The following LAMC3 variants were observed in gnomAD, a reference collection of about 807,000 sequenced individuals.
The protein encoded by LAMC3 is laminin subunit gamma-3.
A neutral mutation model predicts 173.8 loss-of-function variants in LAMC3; 128 were observed. That is an observed-to-expected ratio of 0.74 (90% CI 0.64 to 0.85). The LOEUF (loss-of-function observed/expected upper bound fraction) is 0.85. LAMC3 is among the 40% of genes least tolerant of loss of function. The pLI, the probability that LAMC3 is intolerant of heterozygous loss-of-function variation, is 0.00. For synonymous variants in LAMC3, 897 were observed against 909.1 expected, an observed-to-expected ratio of 0.99 and a Z score of 0.24; for missense variants, 2,022 against 2,156.0, an observed-to-expected ratio of 0.94 and a Z score of 1.23.
intron 1 of LAMC3, among the ~76,000 whole-genome samples, chr9:131,015,206 G>A (rs1416114732): frequency 6.6e-6 from 1 of 152,360 alleles, no homozygotes; most frequent in Admixed American, 6.5e-5. Context: ...CCCCAGGGTT[G>A]CAAGATTGCA....
chr9:131,069,753 G>T lies in LAMC3; in HGVS notation c.2972G>T (p.Gly991Val). Residue 991 changes from glycine to valine, a missense_variant, in exon 17 of 28, where the codon GGC becomes GTC. By Grantham distance (109) the Gly-to-Val change is moderately radical (BLOSUM62 -3). Transcript: ENST00000361069. The part of the protein sequence containing the change: ...GTCVCRPGFE[G>V]YKCDRCHDNF... ...TGCGTGTGCAGGCCTGGCTTCGAGG[G>T]CTACAAATGTGACCGCTGCCACGAC... is the stretch of plus-strand genomic sequence containing the variant. 5 of 1,598,954 alleles carry T rather than the reference G, an allele frequency of 3.1e-6. No individual in the cohort carries two copies. The highest frequency in any genetic ancestry group is 4.3e-6 in the Non-Finnish European group (5 of 1,173,420).
Position 131,009,581 on chromosome 9 carries a change from C to T in LAMC3, c.367C>T (p.Arg123Cys), listed in dbSNP as rs764374653. 11 of 1,572,202 alleles carry T rather than the reference C, an allele frequency of 7.0e-6. No individual in the cohort carries two copies. The South Asian group carries it at 8.2e-5, about 12-fold the overall frequency. Residue 123 changes from arginine (R) to cysteine (C), a missense_variant, in exon 1 of 28, where the codon CGC becomes TGC. Arg to Cys is a radical substitution (Grantham distance 180). Transcript: ENST00000361069. The surrounding 1 kb of genome is among the most constrained non-coding windows in gnomAD (Gnocchi z 4.3). ...CCCCACCTCGGTCAACATCACCCTC[C>T]GCCTAGGTAAGCGCGGGCTGGGGGC... is the stretch of plus-strand genomic sequence containing the variant. ...QYPTSVNITL[R>C]LGKAYEITYV...
At chr9:131,067,518 T>A (rs1588161410) in intron 14 of LAMC3, among the ~76,000 whole-genome samples, 1 of 151,930 alleles carries the variant, frequency 6.6e-6, no homozygotes, top group Non-Finnish European at 1.5e-5. Context: ...CTGCGCCGGG[T>A]CTCCATGGCC....
chr9:131,066,181 C>T (rs537945080), intron 13 of LAMC3, among the ~76,000 whole-genome samples: 9 of 148,950 alleles, frequency 6.0e-5, no homozygotes, highest in African/African-American at 2.2e-4. Flanking sequence ...GGTGACAGGA[C>T]GAGACTGCAT....
rs1265481494 is a variant in LAMC3 at position 131,041,621 on chromosome 9, C to G, written c.1284-16C>G. The G allele has an allele frequency of 6.2e-7, 1 of 1,611,932 alleles. No individual in the cohort carries two copies. Among genetic ancestry groups the G allele is most frequent in the South Asian group, 1.1e-5 (1 of 90,794 alleles). On this transcript the variant is annotated splice_polypyrimidine_tract_variant and intron_variant, in intron 6 of 27. Coordinates refer to ENST00000361069, the MANE Select transcript of LAMC3 (RefSeq NM_006059.4). Reference sequence around the variant, plus strand: ...TGCTCATTGCACATTTTCCTCTTGTCCTGTCTCATTGGCAGACCCTGCACT... The same window carrying G: ...TGCTCATTGCACATTTTCCTCTTGTGCTGTCTCATTGGCAGACCCTGCACT...
intron 21 of LAMC3, 106 bp downstream of exon 21, chr9:131,076,071 A>G (rs1830121062): frequency 8.5e-7 from 1 of 1,181,094 alleles, no homozygotes; most frequent in Middle Eastern, 2.4e-4. Flanking sequence ...TTGAGTCCTG[A>G]CGTTCTTTGT....
chr9:131,079,416 C>T (rs375283175), intron 23 of LAMC3, 118 bp downstream of exon 23: 15 of 1,255,596 alleles, frequency 1.2e-5, no homozygotes, highest in African/African-American at 3.0e-5. Context: ...TCTGTCCGGC[C>T]GGGTGTAGTG....
At chr9:131,084,936 C>T (rs1267721123) in intron 24 of LAMC3, among the ~76,000 whole-genome samples, 4 of 74,072 alleles carry the variant, frequency 5.4e-5, no homozygotes, top group African/African-American at 2.3e-4. Flanking sequence ...GAGACCTTGT[C>T]TCAAAAAAAA....
In LAMC3 at chr9:131,073,185, G is replaced by GTGGCCCTTA. The variant is rs552061052; in HGVS notation, c.3418-59_3418-51dup. ...GTTCTGCCTCACAATTGGACCAGAT[G>GTGGCCCTTA]TGGCCCTTACCCTTTGGCGATGGGC... On this transcript the variant is annotated intron_variant, in intron 19 of 27. Coordinates refer to ENST00000361069, the MANE Select transcript of LAMC3 (RefSeq NM_006059.4). The GTGGCCCTTA allele has an allele frequency of 3.3e-4, 415 of 1,260,918 alleles. 9 individuals are homozygous for GTGGCCCTTA. The South Asian group carries it at 4.7e-3, about 14-fold the overall frequency. The allele number at this position is 1,260,918 out of a possible 1,614,324, so 78.1% of individuals were successfully genotyped here.
At position 131,079,141 on chromosome 9, in the gene LAMC3, C is replaced by G. The variant is rs951131703; in HGVS notation, c.3778-8C>G. 4 of 1,612,410 alleles carry G rather than the reference C, an allele frequency of 2.5e-6. No homozygotes were observed. The highest frequency in any genetic ancestry group is 3.4e-6 in the Non-Finnish European group (4 of 1,179,368). ...CAGGCCCTGCCTGAGCGCATTGTCT[C>G]CCTGCAGCCTCAGAAGTCCCGGGCT... On this transcript the variant is annotated splice_region_variant and splice_polypyrimidine_tract_variant and intron_variant, in intron 22 of 27. Coordinates refer to ENST00000361069, the MANE Select transcript of LAMC3 (RefSeq NM_006059.4).
rs3824398 is a variant in LAMC3 at position 131,060,994 on chromosome 9, G to A, written c.2159-41G>A. On this transcript the variant is annotated intron_variant, in intron 12 of 27. Coordinates refer to ENST00000361069, the MANE Select transcript of LAMC3 (RefSeq NM_006059.4). ...CCACCGGGATGCCCACCATCTCTGG[G>A]CATTCTGGGTTCAGACAGTGGTGCT... 1,068,092 of 1,604,882 alleles carry A rather than the reference G, an allele frequency of 0.67. 360,270 individuals carry two copies. The highest frequency in any genetic ancestry group is 0.73 in the Middle Eastern group (4,385 of 6,048).
chr9:131,042,976 A>G (rs1167349405), intron 7 of LAMC3, among the ~76,000 whole-genome samples: 1 of 150,800 alleles, frequency 6.6e-6, no homozygotes, highest in East Asian at 1.9e-4. Flanking sequence ...CATGGCAGAC[A>G]TCACTAAGGC....
chr9:131,044,505 G>A (rs565253442), intron 7 of LAMC3, among the ~76,000 whole-genome samples: 24 of 152,174 alleles, frequency 1.6e-4, no homozygotes, highest in Admixed American at 4.6e-4. Flanking sequence ...GCGAGACTTC[G>A]TCTCAAAAAA....
At chr9:131,055,107 A>G (rs901073039) in intron 11 of LAMC3, among the ~76,000 whole-genome samples, 1 of 152,144 alleles carries the variant, frequency 6.6e-6, no homozygotes, top group Non-Finnish European at 1.5e-5. Context: ...CCTCATAGAA[A>G]GGTCTTGGTA....
chr9:131,066,944 C>T lies in LAMC3; in HGVS notation c.2348-16C>T. The T allele has an allele frequency of 2.5e-6, 4 of 1,613,182 alleles. No homozygotes were observed. The highest frequency in any genetic ancestry group is 1.3e-5 in the African/African-American group (1 of 75,058). On this transcript the variant is annotated splice_polypyrimidine_tract_variant and intron_variant, in intron 13 of 27. Coordinates refer to ENST00000361069, the MANE Select transcript of LAMC3 (RefSeq NM_006059.4). ...CAGCCAGCTGTGTTCCCCACACGTG[C>T]TCCCTCTACACACAGGGCGGCGCTG...
chr9:131,073,341 G>A lies in LAMC3; in HGVS notation c.3494+20G>A, dbSNP rs2133327436. The A allele has an allele frequency of 1.3e-6, 2 of 1,595,416 alleles. No individual in the cohort carries two copies. The highest frequency in any genetic ancestry group is 1.3e-5 in the African/African-American group (1 of 74,698). Reference sequence around the variant, plus strand: ...CAGGAGGTGAGTCCCAAGACATGGTGAGCTTACACCTGGCCCTTCTCCTGG... The same window carrying A: ...CAGGAGGTGAGTCCCAAGACATGGTAAGCTTACACCTGGCCCTTCTCCTGG... On this transcript the variant is annotated intron_variant, in intron 20 of 27. Coordinates refer to ENST00000361069, the MANE Select transcript of LAMC3 (RefSeq NM_006059.4).
Position 131,051,199 on chromosome 9 carries a change from A to AG in LAMC3, c.1631-1291dup, listed in dbSNP as rs977367681. Among the ~76,000 whole-genome samples, 9 of 152,152 alleles carry AG rather than the reference A, an allele frequency of 5.9e-5. 1 individual carries two copies. Among genetic ancestry groups the AG allele is most frequent in the African/African-American group, 2.2e-4 (9 of 41,438 alleles). On this transcript the variant is annotated intron_variant, in intron 9 of 27. Transcript: ENST00000361069. ...CCCCCCCAGTTCCCAAATAGGGGGA[A>AG]GTACTATTAAAGGTACTAAAATATA...
chr9:131,078,404 G>A (rs1830172954), intron 22 of LAMC3, among the ~76,000 whole-genome samples: 1 of 152,178 alleles, frequency 6.6e-6, no homozygotes, highest in Non-Finnish European at 1.5e-5. Flanking sequence ...AGAATGGCAT[G>A]AACCTGGGAG....
At position 131,039,062 on chromosome 9, in the gene LAMC3, C is replaced by T; in HGVS notation, c.1165+10C>T. ...GACTGCCAGTCGGCAGGTGAGTGGA[C>T]TCCACATCCCCAGCCTCCGACCCTC... On this transcript the variant is annotated intron_variant, in intron 5 of 27. Coordinates refer to ENST00000361069, the MANE Select transcript of LAMC3 (RefSeq NM_006059.4). 5 of 1,612,956 alleles carry T rather than the reference C, an allele frequency of 3.1e-6. No individual in the cohort carries two copies. The South Asian group carries it at 5.5e-5, about 18-fold the overall frequency.
Sources: allele counts gnomAD v4.1 joint callset (sites outside exome capture counted in the v4.1 genomes callset), GRCh38; gene constraint gnomAD v4.1.1; non-coding constraint Gnocchi (gnomAD v3.1); transcripts MANE v1.5; gene names NCBI Gene and HGNC (gene_info 2026-07-23, HGNC 2026-07-21).